Variants in HAL observed in about 807,000 individuals in gnomAD.
The protein encoded by HAL is histidase.
Under a neutral mutation model 81.1 loss-of-function variants are expected in HAL, and 85 were observed. The ratio of observed to expected loss-of-function variants is 1.05; its 90% CI spans 0.88 to 1.25. The LOEUF is 1.25. Among genes scored for constraint, HAL ranks in the 50% most tolerant of loss-of-function variants. The pLI, the probability that HAL is intolerant of heterozygous loss-of-function variation, is 0.00. For missense variants in HAL, 798 were observed against 836.6 expected (o/e 0.95, Z 0.57); for synonymous variants, 301 against 309.2 (o/e 0.97, Z 0.28).
In HAL at chr12:95,973,867, AAAATTGCTAT is replaced by A. The variant is rs2080684063; in HGVS notation, c.*355_*364del. On this transcript the variant is annotated 3_prime_UTR_variant, in exon 21 of 21. Coordinates refer to ENST00000261208, the MANE Select transcript of HAL (RefSeq NM_002108.4). ...TAACAAAAGTCTAATGTTTTTAGAA[AAAATTGCTAT>A]CAATCTGTTTCCAAATTTGAATTCA... 1.1e-5 allele frequency: 2 copies of A among 187,916 alleles called. No individual in the cohort carries two copies. The highest frequency in any genetic ancestry group is 1.1e-4 in the Admixed American group (2 of 18,178). 11.6% of individuals were successfully genotyped at this position (187,916 alleles called of 1,614,324 possible). A position where few individuals can be genotyped will look rare whatever the true frequency, so the allele number is the denominator to read the frequency against.
At chr12:95,980,528 T>C (rs755861440) in intron 17 of HAL, 28 bp downstream of exon 17, 2 of 1,608,132 alleles carry the variant, frequency 1.2e-6, no homozygotes, top group South Asian at 2.2e-5. Context: ...GACGGGCGTG[T>C]GTTCTGGGAA....
Position 95,992,699 on chromosome 12 carries a change from T to G in HAL, c.696A>C (p.Gln232His). ...CATTACCATTAAACATTTCTATGAC[T>G]TGTTTGAGGGTCTCCAGGGAAATGC... ...YSGISLETLK[Q>H]VIEMFNASCL... The change falls in exon 9 of 21, where the codon CAA becomes CAC. Residue 232 changes from glutamine to histidine, a missense_variant. Coordinates refer to ENST00000261208, the MANE Select transcript of HAL (RefSeq NM_002108.4). The G allele has an allele frequency of 1.2e-6, 2 of 1,612,592 alleles. No homozygotes were observed.
rs1408822302 is a variant in HAL, at chr12:95,987,176, G to A, written c.942C>T (p.Ser314=). Residue 314 remains serine, a synonymous_variant, in exon 12 of 21, where the codon TCC becomes TCT. Coordinates refer to ENST00000261208, the MANE Select transcript of HAL (RefSeq NM_002108.4). The part of the protein sequence containing the change: ...ALINGTQMIT[S]LGCEAVERAS... ...CTCGCTCTACAGCTTCACAGCCCAGGGATGTGATCATCTGCGTCCCATTGA... is the reference window on the plus strand; with the variant it reads ...CTCGCTCTACAGCTTCACAGCCCAGAGATGTGATCATCTGCGTCCCATTGA... 2 of 1,613,746 alleles carry A rather than the reference G, an allele frequency of 1.2e-6. No individual in the cohort carries two copies. Among genetic ancestry groups the A allele is most frequent in the African/African-American group, 1.3e-5 (1 of 74,926 alleles).
At chr12:95,994,044 G>A in intron 5 of HAL, 46 bp from the exon 6 acceptor site, 1 of 1,594,022 alleles carries the variant, frequency 6.3e-7, no homozygotes, top group Non-Finnish European at 8.6e-7. Context: ...GACTTCCACG[G>A]GCAACAAAAA....
intron 11 of HAL, 33 bp downstream of exon 11, chr12:95,988,160 C>G (rs917014382): frequency 9.8e-7 from 1 of 1,024,460 alleles, no homozygotes; most frequent in African/African-American, 1.6e-5. Context: ...AAAACTCATG[C>G]ACTATGAACA....
intron 5 of HAL, 31 bp from the exon 6 acceptor site, chr12:95,994,029 T>C (rs1337435604): frequency 6.2e-7 from 1 of 1,600,948 alleles, no homozygotes; most frequent in Non-Finnish European, 8.6e-7. Context: ...ACTGAGCACG[T>C]TAAAGACTTC....
In HAL at chr12:95,987,026, T is replaced by C. The variant is rs746213317; in HGVS notation, c.1051+41A>G. On this transcript the variant is annotated intron_variant, in intron 12 of 20. Coordinates refer to ENST00000261208, the MANE Select transcript of HAL (RefSeq NM_002108.4). ...CTCAGCCACCCCGCCCCACCACCTC[T>C]GGTTGAATGAATAACAACCAAAAGG... 3 of 1,575,800 alleles carry C rather than the reference T, an allele frequency of 1.9e-6. No homozygotes were observed. The South Asian group carries it at 3.3e-5, about 17-fold the overall frequency.
At chr12:95,981,770 C>G (rs2080797794) in intron 15 of HAL, among the ~76,000 whole-genome samples, 1 of 152,150 alleles carries the variant, frequency 6.6e-6, no homozygotes, top group South Asian at 2.1e-4. Context: ...TCAGATAATT[C>G]TATTCCATCA....
chr12:95,993,555 A>G (rs1183277565), intron 7 of HAL, 67 bp from the exon 8 acceptor site: 11 of 1,066,430 alleles, frequency 1.0e-5, no homozygotes, highest in Non-Finnish European at 1.6e-5. Context: ...CAGCTGGGAA[A>G]ATGAAGGGAA....
Position 95,972,932 on chromosome 12 carries a change from A to C in HAL, c.*1300T>G, listed in dbSNP as rs1316771084. 2.0e-5 allele frequency: 3 copies of C among 152,242 alleles called. No homozygotes were observed. The East Asian group carries it at 5.8e-4, about 29-fold the overall frequency. The allele number at this position is 152,242 out of a possible 1,614,324, so 9.4% of individuals were successfully genotyped here. A position where few individuals can be genotyped will look rare whatever the true frequency, so the allele number is the denominator to read the frequency against. On this transcript the variant is annotated 3_prime_UTR_variant, in exon 21 of 21. Transcript: ENST00000261208. ...CACATTTTGACAAGGAATAGCACCAAGAACAACCTTTAGGTAAACAGTCTC... is the reference window on the plus strand; with the variant it reads ...CACATTTTGACAAGGAATAGCACCACGAACAACCTTTAGGTAAACAGTCTC...
intron 15 of HAL, among the ~76,000 whole-genome samples, chr12:95,982,154 C>A (rs1231051334): frequency 6.6e-6 from 1 of 152,136 alleles, no homozygotes; most frequent in African/African-American, 2.4e-5. Context: ...TAGATTAAAA[C>A]AATTAGAATT....
chr12:95,973,526 T>A lies in HAL; in HGVS notation c.*706A>T, dbSNP rs1361882509. ...CCCATGTAAGCATTTGGGGGATACGTGTAGTGATAAGTACAAAATACACAG... is the reference window on the plus strand; with the variant it reads ...CCCATGTAAGCATTTGGGGGATACGAGTAGTGATAAGTACAAAATACACAG... On this transcript the variant is annotated 3_prime_UTR_variant, in exon 21 of 21. Coordinates refer to ENST00000261208, the MANE Select transcript of HAL (RefSeq NM_002108.4). 6.6e-6 allele frequency: 1 copy of A among 152,352 alleles called. No homozygotes were observed. 9.4% of individuals were successfully genotyped at this position (152,352 alleles called of 1,614,324 possible).
At chr12:95,983,596 G>A in intron 15 of HAL, 1 of 402,096 alleles carries the variant, frequency 2.5e-6, no homozygotes, top group Admixed American at 4.0e-5. Context: ...CCTTGGCAGT[G>A]GGTTTTAGGG....
Position 95,974,080 on chromosome 12 carries a change from C to A in HAL, c.*152G>T. 1.3e-6 allele frequency: 1 copy of A among 762,172 alleles called. No homozygotes were observed. Among genetic ancestry groups the A allele is most frequent in the Non-Finnish European group, 2.4e-6 (1 of 420,858 alleles). 47.2% of individuals were successfully genotyped at this position (762,172 alleles called of 1,614,324 possible). ...AGTGCTGAATTTAGCAACTATAATA[C>A]TGCCATCAGCCTAACCAACGTAGGC... is the stretch of plus-strand genomic sequence containing the variant. On this transcript the variant is annotated 3_prime_UTR_variant, in exon 21 of 21. Coordinates refer to ENST00000261208, the MANE Select transcript of HAL (RefSeq NM_002108.4).
chr12:95,993,347 T>G, intron 8 of HAL, 104 bp downstream of exon 8: 29 of 832,192 alleles, frequency 3.5e-5, no homozygotes, highest in Non-Finnish European at 5.8e-5. Context: ...AATGCTGTTT[T>G]GAGAAACTAG....
rs774951073 is a variant in HAL at position 95,995,867 on chromosome 12, A to G, written c.44T>C (p.Val15Ala). ...TVHVRGEWLAVPCQDAQLTVG... is the reference protein window; with the variant it reads ...TVHVRGEWLAAPCQDAQLTVG... ...AGTGAGCTGCGCGTCCTGGCAGGGC[A>G]CTGCCAGCCATTCCCCACGTACGTG... is the stretch of plus-strand genomic sequence containing the variant. Residue 15 changes from valine (V) to alanine (A), a missense_variant, in exon 2 of 21, where the codon GTG becomes GCG. Val to Ala is a moderately conservative substitution (Grantham distance 64, BLOSUM62 0). Transcript: ENST00000261208. The G allele has an allele frequency of 2.5e-6, 4 of 1,607,708 alleles. No individual in the cohort carries two copies. Among genetic ancestry groups the G allele is most frequent in the Non-Finnish European group, 3.4e-6 (4 of 1,179,530 alleles).
Position 95,972,890 on chromosome 12 carries a change from C to T in HAL, c.*1342G>A, listed in dbSNP as rs1193521279. The T allele has an allele frequency of 6.6e-6, 1 of 152,170 alleles. No individual in the cohort carries two copies. Among genetic ancestry groups the T allele is most frequent in the East Asian group, 1.9e-4 (1 of 5,194 alleles). The allele number at this position is 152,170 out of a possible 1,614,324, so 9.4% of individuals were successfully genotyped here. ...CAGCCCACGGATGACAATGCACAAA[C>T]CTCATTTGTGTGTGTTCACATTTTG... On this transcript the variant is annotated 3_prime_UTR_variant, in exon 21 of 21. Transcript: ENST00000261208.
At chr12:95,976,354 C>T in intron 20 of HAL, 75 bp downstream of exon 20, 2 of 1,129,378 alleles carry the variant, frequency 1.8e-6, no homozygotes, top group African/African-American at 1.5e-5. Context: ...TAGAATAAGG[C>T]AATGTTTCTC....
intron 10 of HAL, chr12:95,989,445 A>T (rs1328819494): frequency 6.6e-6 from 1 of 152,284 alleles, no homozygotes; most frequent in Non-Finnish European, 1.5e-5. Flanking sequence ...TTTCAGAAGC[A>T]GAAATAGGAG....
Sources: gnomAD v4.1 joint callset for allele counts (sites outside exome capture counted in the v4.1 genomes callset) on GRCh38, gnomAD v4.1.1 for gene constraint, MANE v1.5 for transcripts, NCBI Gene and HGNC (gene_info 2026-07-23, HGNC 2026-07-21) for gene names.